Variants in RDH12 observed in about 807,000 individuals in gnomAD.
RDH12 encodes the protein retinol dehydrogenase 12.
Under a neutral mutation model 34.0 loss-of-function variants are expected in RDH12, and 21 were observed. That is an observed-to-expected ratio of 0.62 (90% CI 0.44 to 0.89). The LOEUF (loss-of-function observed/expected upper bound fraction) is 0.89, where lower values mean the gene tolerates loss of function less well. RDH12 is among the 40% of genes least tolerant of loss of function. The probability of loss-of-function intolerance (pLI) is 0.00; values close to 1 mark genes in which losing one functional copy is unlikely to be tolerated. For synonymous variants in RDH12, 198 were observed against 169.9 expected (o/e 1.17, Z -1.29); for missense variants, 394 against 398.6 (o/e 0.99, Z 0.10).
chr14:67,717,375 A>G (rs1381666019), intron 1 of RDH12, among the ~76,000 whole-genome samples: 1 of 152,200 alleles, frequency 6.6e-6, no homozygotes, highest in Non-Finnish European at 1.5e-5. Context: ...TTAAGCTGGG[A>G]GAAGGTAAAG....
At chr14:67,719,490 T>C (rs1290664442) in intron 1 of RDH12, among the ~76,000 whole-genome samples, 2 of 152,180 alleles carry the variant, frequency 1.3e-5, no homozygotes, top group Non-Finnish European at 2.9e-5. Flanking sequence ...TTTCTTTTTT[T>C]TAGAGACAGG....
At chr14:67,707,278 T>C (rs1399104643) in intron 1 of RDH12, among the ~76,000 whole-genome samples, 4 of 152,172 alleles carry the variant, frequency 2.6e-5, no homozygotes, top group Admixed American at 6.5e-5. Context: ...TGCAAAACAT[T>C]AGGCAAGACT....
chr14:67,710,805 A>T (rs558840276), intron 1 of RDH12, among the ~76,000 whole-genome samples: 59 of 152,110 alleles, frequency 3.9e-4, no homozygotes, highest in Non-Finnish European at 7.4e-4. Flanking sequence ...TCTATTATCT[A>T]ATTTAATATA....
chr14:67,722,550 C>T lies in RDH12; in HGVS notation c.-93C>T. On this transcript the variant is annotated 5_prime_UTR_variant, in exon 3 of 9. Transcript: ENST00000551171. ...AGGAGCAGAGAAGCAGCAGAAGCAG[C>T]CAAGAGCTGGAGCCAGACCAGGAAC... 1 of 1,054,940 alleles carries T rather than the reference C, an allele frequency of 9.5e-7. No individual in the cohort carries two copies. Among genetic ancestry groups the T allele is most frequent in the Non-Finnish European group, 1.5e-6 (1 of 670,084 alleles). 65.3% of individuals were successfully genotyped at this position (1,054,940 alleles called of 1,614,324 possible).
intron 1 of RDH12, among the ~76,000 whole-genome samples, chr14:67,711,941 C>T (rs7144124): frequency 0.15 from 22,921 of 151,480 alleles, 1,739 homozygotes; most frequent in East Asian, 0.21. Context: ...TTTTTTGAGA[C>T]GGAGTTTTGC....
At chr14:67,716,039 C>G (rs1011280234) in intron 1 of RDH12, among the ~76,000 whole-genome samples, 4 of 151,342 alleles carry the variant, frequency 2.6e-5, no homozygotes, top group African/African-American at 9.7e-5. Flanking sequence ...ACTAAAAATA[C>G]AAAAAAAATT....
chr14:67,718,485 T>C (rs1485920711), intron 1 of RDH12, among the ~76,000 whole-genome samples: 1 of 152,234 alleles, frequency 6.6e-6, no homozygotes, highest in African/African-American at 2.4e-5. Context: ...CTCTGCTTCA[T>C]AGCATGTGAT....
At chr14:67,713,034 T>C (rs1362006431) in intron 1 of RDH12, among the ~76,000 whole-genome samples, 1 of 151,978 alleles carries the variant, frequency 6.6e-6, no homozygotes, top group African/African-American at 2.4e-5. Context: ...ATAGAATTGA[T>C]GAAACCCAAC....
chr14:67,726,830 C>G (rs780887900), intron 6 of RDH12, 151 bp from the exon 7 acceptor site: 20 of 716,120 alleles, frequency 2.8e-5, no homozygotes, highest in Non-Finnish European at 4.2e-5. Context: ...TCCACAAACT[C>G]AGACCAAACT....
At chr14:67,702,617 AAAGCCAG>A (rs2037911025) in intron 1 of RDH12, among the ~76,000 whole-genome samples, 5 of 152,224 alleles carry the variant, frequency 3.3e-5, no homozygotes, top group African/African-American at 9.6e-5. Context: ...TAATAATTTT[AAAGCCAG>A]TTTATTTATT....
chr14:67,722,415 C>A lies in RDH12; in HGVS notation c.-219-9C>A. The A allele has an allele frequency of 3.3e-6, 2 of 606,752 alleles. No individual in the cohort carries two copies. Among genetic ancestry groups the A allele is most frequent in the Admixed American group, 5.5e-5 (2 of 36,088 alleles). The allele number at this position is 606,752 out of a possible 1,614,324, so 37.6% of individuals were successfully genotyped here. Reference sequence around the variant, plus strand: ...GCTTCAAACCTTGACTCCATCCCCTCCCCACCAGGACTACATCTCCCAGCA... The same window carrying A: ...GCTTCAAACCTTGACTCCATCCCCTACCCACCAGGACTACATCTCCCAGCA... On this transcript the variant is annotated splice_polypyrimidine_tract_variant and intron_variant, in intron 2 of 8. Coordinates refer to ENST00000551171, the MANE Select transcript of RDH12 (RefSeq NM_152443.3).
At chr14:67,727,357 G>A (rs2038200110) in intron 7 of RDH12, 167 bp downstream of exon 7, 2 of 670,970 alleles carry the variant, frequency 3.0e-6, no homozygotes, top group Non-Finnish European at 5.3e-6. Flanking sequence ...TGCCCCCAGG[G>A]AGCTTAAAAT....
chr14:67,713,189 C>T (rs1367365784), intron 1 of RDH12, among the ~76,000 whole-genome samples: 1 of 151,716 alleles, frequency 6.6e-6, no homozygotes, highest in Non-Finnish European at 1.5e-5. Flanking sequence ...AGCTACATAC[C>T]TAGGGATGGG....
At chr14:67,711,718 T>C (rs1207010768) in intron 1 of RDH12, among the ~76,000 whole-genome samples, 2 of 152,192 alleles carry the variant, frequency 1.3e-5, no homozygotes, top group Non-Finnish European at 2.9e-5. Context: ...TAGGCAGTTC[T>C]CAGCTAAATA....
chr14:67,723,679 G>A (rs919040575), intron 3 of RDH12, among the ~76,000 whole-genome samples: 2 of 152,216 alleles, frequency 1.3e-5, no homozygotes, highest in Non-Finnish European at 1.5e-5. Context: ...TTTCTCTACT[G>A]TAATGTGGAA....
intron 8 of RDH12, chr14:67,729,857 C>A (rs768582644): frequency 2.2e-6 from 1 of 456,954 alleles, no homozygotes; most frequent in Admixed American, 2.4e-5. Context: ...AGTGCTGAAT[C>A]TTATCATGAA....
rs200387832 is a variant in RDH12, at chr14:67,733,780, C to A, written c.883C>A (p.Arg295=). ...CKRTWVSPRA[R]NNKTAERLWN... is the part of the protein sequence containing the mutation. ...GAGGACCTGGGTGTCTCCAAGGGCC[C>A]GAAATAACAAAACAGCTGAGCGCCT... Residue 295 remains arginine (R), a synonymous_variant, in exon 9 of 9, where the codon CGA becomes AGA. Coordinates refer to ENST00000551171, the MANE Select transcript of RDH12 (RefSeq NM_152443.3). 1 of 1,613,060 alleles carries A rather than the reference C, an allele frequency of 6.2e-7. No homozygotes were observed. Among genetic ancestry groups the A allele is most frequent in the Admixed American group, 1.7e-5 (1 of 59,962 alleles).
chr14:67,725,268 G>C lies in RDH12; in HGVS notation c.343+14G>C, dbSNP rs765080696. On this transcript the variant is annotated intron_variant, in intron 5 of 8. Coordinates refer to ENST00000551171, the MANE Select transcript of RDH12 (RefSeq NM_152443.3). ...GCTTTCTGGCAGGTGAGGTCCTGAT[G>C]GGTAGGTAGAAAAGCAGGAAATTGG... 6.2e-7 allele frequency: 1 copy of C among 1,612,448 alleles called. No individual in the cohort carries two copies. Among genetic ancestry groups the C allele is most frequent in the East Asian group, 2.2e-5 (1 of 44,884 alleles).
At chr14:67,712,501 A>AAAAAAAAAAAAAAAAAAAAC (rs2038020687) in intron 1 of RDH12, among the ~76,000 whole-genome samples, 1 of 130,622 alleles carries the variant, frequency 7.7e-6, no homozygotes, top group African/African-American at 4.2e-5. Flanking sequence ...TGCAAAAAAA[A>AAAAAAAAAAAAAAAAAAAAC]AAAAAAAAAA....
Sources: allele counts gnomAD v4.1 joint callset (sites outside exome capture counted in the v4.1 genomes callset), GRCh38; gene constraint gnomAD v4.1.1; transcripts MANE v1.5; gene names NCBI Gene and HGNC (gene_info 2026-07-23, HGNC 2026-07-21).